RGS10: variants seen among roughly 807,000 people sequenced by gnomAD.
RGS10 encodes the protein regulator of G protein signaling 10.
RGS10 carries 11 observed loss-of-function variants against 23.5 expected under a neutral mutation model. The ratio of observed to expected loss-of-function variants is 0.47; its 90% CI spans 0.29 to 0.77. The LOEUF (loss-of-function observed/expected upper bound fraction) is 0.77. Among genes scored for constraint, RGS10 ranks in the 30% least tolerant of loss-of-function variants. RGS10 has a pLI of 0.08. For missense variants in RGS10, 180 were observed against 226.3 expected (o/e 0.80, Z 1.31); for synonymous variants, 77 against 83.2 (o/e 0.92, Z 0.41).
intron 2 of RGS10, among the ~76,000 whole-genome samples, chr10:119,526,801 C>G (rs886112701): frequency 3.3e-5 from 5 of 152,014 alleles, no homozygotes; most frequent in Admixed American, 1.3e-4. Context: ...ACATATGGTC[C>G]TCCATCTGGC....
At chr10:119,531,174 T>A (rs1408413284) in intron 1 of RGS10, among the ~76,000 whole-genome samples, 2 of 152,240 alleles carry the variant, frequency 1.3e-5, no homozygotes, top group African/African-American at 4.8e-5. Flanking sequence ...TTTACTCTTC[T>A]GCTCTTTGCC....
rs765262691 is a variant in RGS10 at position 119,524,751 on chromosome 10, T to C, written c.255+1281A>G. On this transcript the variant is annotated intron_variant, in intron 3 of 4. Transcript: ENST00000369103. This position sits in a 1 kb window ranked among gnomAD's most constrained non-coding sequence, Gnocchi z 5.2. ...AAAGCCAGAAAGCAAAATCCAAGGGTCCCGCCCAGTAACAGCTTTCGAGGT... is the reference window on the plus strand; with the variant it reads ...AAAGCCAGAAAGCAAAATCCAAGGGCCCCGCCCAGTAACAGCTTTCGAGGT... Among the ~76,000 whole-genome samples the C allele has an allele frequency of 2.6e-5, 4 of 151,844 alleles. No homozygotes were observed. Among genetic ancestry groups the C allele is most frequent in the African/African-American group, 7.3e-5 (3 of 41,342 alleles).
intron 1 of RGS10, among the ~76,000 whole-genome samples, chr10:119,537,119 G>A (rs1367793328): frequency 6.6e-6 from 1 of 152,198 alleles, no homozygotes; most frequent in Non-Finnish European, 1.5e-5. Flanking sequence ...GAGGCCAGGC[G>A]TGGTGGCTCA....
At chr10:119,530,553 G>A (rs766866426) in intron 1 of RGS10, among the ~76,000 whole-genome samples, 1 of 152,288 alleles carries the variant, frequency 6.6e-6, no homozygotes, top group South Asian at 2.1e-4. Context: ...GGCTGGGCAC[G>A]GTGGTTCACA....
intron 4 of RGS10, 140 bp from the exon 5 acceptor site, chr10:119,500,399 G>T: frequency 3.9e-6 from 3 of 770,444 alleles, no homozygotes; most frequent in Non-Finnish European, 3.9e-6. Context: ...GCTCAAATAA[G>T]TCATCTGCTA....
At chr10:119,500,343 C>T in intron 4 of RGS10, 84 bp from the exon 5 acceptor site, 1 of 1,251,480 alleles carries the variant, frequency 8.0e-7, no homozygotes, top group East Asian at 2.4e-5. Context: ...TTAATACCTA[C>T]CATGTGCCAA....
rs930139678 is a variant in RGS10, at chr10:119,538,512, G to C, written c.49+4078C>G. On this transcript the variant is annotated intron_variant, in intron 1 of 4. Coordinates refer to ENST00000369103, the MANE Select transcript of RGS10 (RefSeq NM_001005339.2). The surrounding 1 kb of genome is among the most constrained non-coding windows in gnomAD (Gnocchi z 4.5). ...ACAAAGGACAGCTGGGGGAGCAAAG[G>C]CACAGAGGGAGTATTGTCCAGTCCC... Among the ~76,000 whole-genome samples, 16 of 152,190 alleles carry C rather than the reference G, an allele frequency of 1.1e-4. No homozygotes were observed. The highest frequency in any genetic ancestry group is 9.8e-4 in the Admixed American group (15 of 15,280).
intron 4 of RGS10, 80 bp from the exon 5 acceptor site, chr10:119,500,339 C>T (rs1269960207): frequency 2.3e-6 from 3 of 1,302,788 alleles, no homozygotes; most frequent in East Asian, 2.4e-5. Flanking sequence ...TGTATTAATA[C>T]CTACCATGTG....
chr10:119,540,076 C>G (rs1437812302), intron 1 of RGS10, among the ~76,000 whole-genome samples: 1 of 152,148 alleles, frequency 6.6e-6, no homozygotes, highest in Non-Finnish European at 1.5e-5. Flanking sequence ...TTTCACACGG[C>G]TGGGTGGTGA....
intron 4 of RGS10, among the ~76,000 whole-genome samples, chr10:119,507,352 A>G (rs1844025960): frequency 1.3e-5 from 2 of 152,108 alleles, no homozygotes; most frequent in Admixed American, 6.6e-5. Context: ...GGGGCAAGGG[A>G]GAGAATGGGC....
At chr10:119,536,424 C>T in intron 1 of RGS10, 2 of 1,601,030 alleles carry the variant, frequency 1.2e-6, no homozygotes, top group Non-Finnish European at 8.6e-7. Context: ...AGGCGACAGG[C>T]AAACTGCGGA....
intron 4 of RGS10, among the ~76,000 whole-genome samples, chr10:119,511,130 G>A (rs1844072585): frequency 6.6e-6 from 1 of 152,134 alleles, no homozygotes; most frequent in African/African-American, 2.4e-5. Flanking sequence ...ACTTAAATTT[G>A]TCCAACGGCA....
intron 4 of RGS10, among the ~76,000 whole-genome samples, chr10:119,513,145 G>T (rs1844097350): frequency 6.6e-6 from 1 of 152,122 alleles, no homozygotes; most frequent in East Asian, 1.9e-4. Flanking sequence ...GCTTACAGTT[G>T]GATAAAAACT....
intron 1 of RGS10, among the ~76,000 whole-genome samples, chr10:119,528,173 G>A (rs1253442962): frequency 2.0e-5 from 3 of 151,860 alleles, no homozygotes; most frequent in Non-Finnish European, 4.4e-5. Flanking sequence ...TGAGATTATA[G>A]GTGATTCCCA....
In RGS10 at chr10:119,500,192, T is replaced by G. The variant is rs200276250; in HGVS notation, c.467A>C (p.Lys156Thr). ...FLKSDLFLKH[K>T]RTEEEEEDLP... ...ATCTTCTTCCTCTTCCTCGGTTCGC[T>G]TGTGTTTTAAAAACAAGTCAGACTT... The change falls in exon 5 of 5, where the codon AAG becomes ACG. Residue 156 changes from lysine to threonine, a missense_variant. Coordinates refer to ENST00000369103, the MANE Select transcript of RGS10 (RefSeq NM_001005339.2). 1.2e-6 allele frequency: 2 copies of G among 1,614,096 alleles called. No homozygotes were observed. The highest frequency in any genetic ancestry group is 1.7e-6 in the Non-Finnish European group (2 of 1,180,004).
At chr10:119,500,448 A>C (rs1469970215) in intron 4 of RGS10, among the ~76,000 whole-genome samples, 189 bp from the exon 5 acceptor site, 1 of 152,168 alleles carries the variant, frequency 6.6e-6, no homozygotes, top group Non-Finnish European at 1.5e-5. Flanking sequence ...GTCATTATGC[A>C]ATAATCTCAA....
At chr10:119,526,790 C>T (rs920787120) in intron 2 of RGS10, among the ~76,000 whole-genome samples, 17 of 152,094 alleles carry the variant, frequency 1.1e-4, no homozygotes. Context: ...TCTTGAAATT[C>T]ACATATGGTC....
chr10:119,526,200 G>T, intron 2 of RGS10, 82 bp from the exon 3 acceptor site: 2 of 730,444 alleles, frequency 2.7e-6, no homozygotes, highest in South Asian at 2.3e-5. Context: ...TTCAAAGACT[G>T]ATTTGGCAAA....
At chr10:119,502,988 T>C (rs1843968947) in intron 4 of RGS10, among the ~76,000 whole-genome samples, 1 of 152,112 alleles carries the variant, frequency 6.6e-6, no homozygotes. Context: ...GACTTCTGAC[T>C]GCCACCGGCC....
Sources: allele counts gnomAD v4.1 joint callset (sites outside exome capture counted in the v4.1 genomes callset), GRCh38; gene constraint gnomAD v4.1.1; non-coding constraint Gnocchi (gnomAD v3.1); transcripts MANE v1.5; gene names NCBI Gene and HGNC (gene_info 2026-07-23, HGNC 2026-07-21).